The following CCDC171 variants were observed in gnomAD, a reference collection of about 807,000 sequenced individuals.
CCDC171 encodes coiled-coil domain containing 171.
A neutral mutation model predicts 168.2 loss-of-function variants in CCDC171; 177 were observed. The ratio of observed to expected loss-of-function variants is 1.05; its 90% confidence interval spans 0.93 to 1.19. The LOEUF (loss-of-function observed/expected upper bound fraction) is 1.19. Ranked by LOEUF, CCDC171 falls within the 50% of genes most tolerant of loss-of-function variation. The pLI is 0.00. For missense variants in CCDC171, 1,991 were observed against 1,539.0 expected (o/e 1.29, Z -4.91); for synonymous variants, 687 against 540.8 (o/e 1.27, Z -3.75).
chr9:15,621,639 G>A (rs1266854770), intron 6 of CCDC171, among the ~76,000 whole-genome samples: 1 of 152,188 alleles, frequency 6.6e-6, no homozygotes, highest in Non-Finnish European at 1.5e-5. Context: ...ACAGATGCTG[G>A]CGAGGTTGTG....
chr9:15,873,036 C>T (rs1398642742), intron 23 of CCDC171, among the ~76,000 whole-genome samples: 1 of 152,004 alleles, frequency 6.6e-6, no homozygotes, highest in Non-Finnish European at 1.5e-5. Context: ...GCATGTGGTA[C>T]TCACATCATT....
intron 3 of CCDC171, among the ~76,000 whole-genome samples, chr9:15,577,496 C>T (rs1316377778): frequency 6.6e-6 from 1 of 152,126 alleles, no homozygotes; most frequent in East Asian, 1.9e-4. Context: ...CACTAGAATC[C>T]CATTTCTACC....
chr9:15,839,706 A>G (rs1563846392), intron 21 of CCDC171, among the ~76,000 whole-genome samples: 1 of 152,216 alleles, frequency 6.6e-6, no homozygotes, highest in Non-Finnish European at 1.5e-5. Flanking sequence ...TTTGTTGAAT[A>G]CTTACAATAT....
rs1832452527 is a variant in CCDC171 at position 15,998,970 on chromosome 9, TA to T, written n.369-21616del. ...AGAGACAACTTTTTCTGAAAAAATC[TA>T]AATTTTATTTTGACACTCTATTTCA... On this transcript the variant is annotated intron_variant and non_coding_transcript_variant, in intron 3 of 9. Coordinates refer to the CCDC171 transcript ENST00000486641. Among the ~76,000 whole-genome samples the T allele has an allele frequency of 4.6e-5, 7 of 152,284 alleles. No homozygotes were observed. The South Asian group carries it at 1.5e-3, about 32-fold the overall frequency.
At chr9:15,623,464 T>TGCGCGCGCGCGCGCGC (rs563722301) in intron 7 of CCDC171, 51 bp downstream of exon 7, 10 of 767,380 alleles carry the variant, frequency 1.3e-5, no homozygotes, top group South Asian at 5.3e-5. Context: ...CTTTCACATA[T>TGCGCGCGCGCGCGCGC]GCGCGCGCGC....
chr9:15,715,793 A>C (rs989046026), intron 11 of CCDC171, among the ~76,000 whole-genome samples: 1 of 152,226 alleles, frequency 6.6e-6, no homozygotes, highest in South Asian at 2.1e-4. Context: ...ACTATGGATT[A>C]CTGAAATAAT....
intron 6 of CCDC171, among the ~76,000 whole-genome samples, chr9:15,610,200 C>T (rs970905199): frequency 6.6e-6 from 1 of 151,594 alleles, no homozygotes; most frequent in African/African-American, 2.4e-5. Flanking sequence ...CCACCCCTCC[C>T]TTGATGGTCT....
chr9:15,991,171 T>A (rs965217638), intron 3 of CCDC171, among the ~76,000 whole-genome samples: 1 of 152,126 alleles, frequency 6.6e-6, no homozygotes, highest in Non-Finnish European at 1.5e-5. Flanking sequence ...ACCACATAAT[T>A]GGACGTAAAG....
At chr9:15,791,925 C>T (rs1330466815) in intron 21 of CCDC171, among the ~76,000 whole-genome samples, 2 of 152,190 alleles carry the variant, frequency 1.3e-5, no homozygotes, top group East Asian at 1.9e-4. Context: ...ACCTCTCCCC[C>T]TCCAGAGGAA....
chr9:16,078,832 G>A, the CCDC171 span, among the ~76,000 whole-genome samples: 1 of 152,176 alleles, frequency 6.6e-6, no homozygotes, highest in South Asian at 2.1e-4. Flanking sequence ...TCTGCAGTGG[G>A]TCAGAAGTGA....
At chr9:15,984,037 G>A (rs1321317517) in intron 3 of CCDC171, among the ~76,000 whole-genome samples, 1 of 65,832 alleles carries the variant, frequency 1.5e-5, no homozygotes, top group Non-Finnish European at 3.2e-5. Context: ...GTAGTCCTCT[G>A]TATCAGAATA....
chr9:15,559,943 T>C (rs1018812293), intron 1 of CCDC171, among the ~76,000 whole-genome samples: 6 of 152,168 alleles, frequency 3.9e-5, no homozygotes, highest in African/African-American at 1.4e-4. Flanking sequence ...ACAGAATCTC[T>C]CAATATTTGT....
the CCDC171 span, among the ~76,000 whole-genome samples, chr9:16,093,525 G>T: frequency 6.6e-6 from 1 of 152,246 alleles, no homozygotes; most frequent in Non-Finnish European, 1.5e-5. Context: ...GATCTCACAT[G>T]CATTCTAATG....
At chr9:15,943,843 G>A (rs1358857304) in intron 25 of CCDC171, among the ~76,000 whole-genome samples, 1 of 151,948 alleles carries the variant, frequency 6.6e-6, no homozygotes, top group Admixed American at 6.6e-5. Context: ...GCAATAAGGT[G>A]ATAAATGCTC....
chr9:15,637,565 C>T (rs1392654572), intron 7 of CCDC171, among the ~76,000 whole-genome samples: 6 of 151,060 alleles, frequency 4.0e-5, no homozygotes, highest in Admixed American at 1.3e-4. Flanking sequence ...GTGTGCTGCA[C>T]CCATTAACTC....
At chr9:15,764,795 G>C (rs1296723213) in intron 18 of CCDC171, among the ~76,000 whole-genome samples, 2 of 152,156 alleles carry the variant, frequency 1.3e-5, no homozygotes, top group Non-Finnish European at 2.9e-5. Flanking sequence ...TTTTAACCCT[G>C]GTTGTACATT....
At chr9:16,020,966 G>A (rs1833144735) in intron 4 of CCDC171, among the ~76,000 whole-genome samples, 1 of 152,216 alleles carries the variant, frequency 6.6e-6, no homozygotes, top group Non-Finnish European at 1.5e-5. Flanking sequence ...GCTTAAGTAG[G>A]AAGATACACT....
chr9:15,870,347 G>C (rs370652686), intron 23 of CCDC171, among the ~76,000 whole-genome samples: 61 of 151,958 alleles, frequency 4.0e-4, no homozygotes, highest in African/African-American at 1.4e-3. Flanking sequence ...CAACATGAAT[G>C]CAGGATAATG....
chr9:15,559,565 T>C (rs1047102329), intron 1 of CCDC171, among the ~76,000 whole-genome samples: 2 of 152,266 alleles, frequency 1.3e-5, no homozygotes, highest in African/African-American at 4.8e-5. Context: ...CCTGGCTTTT[T>C]TTTGTTTTCC....
Sources: allele counts gnomAD v4.1 joint callset (sites outside exome capture counted in the v4.1 genomes callset), GRCh38; gene constraint gnomAD v4.1.1; transcripts MANE v1.5; gene names NCBI Gene and HGNC (gene_info 2026-07-23, HGNC 2026-07-21).